CCDC149: variants seen among roughly 807,000 people sequenced by gnomAD.
The protein encoded by CCDC149 is coiled-coil domain-containing protein 149.
In CCDC149, 45 loss-of-function variants were observed where a neutral mutation model predicts 59.9. That is an observed-to-expected ratio of 0.75 (90% CI 0.59 to 0.96). CCDC149 has a LOEUF of 0.96. Among genes scored for constraint, CCDC149 ranks in the 40% least tolerant of loss-of-function variants. The pLI, the probability that CCDC149 is intolerant of heterozygous loss-of-function variation, is 0.00. For missense variants in CCDC149, 584 were observed against 664.7 expected, an observed-to-expected ratio of 0.88 and a Z score of 1.33; for synonymous variants, 245 against 260.6, an observed-to-expected ratio of 0.94 and a Z score of 0.58.
chr4:24,927,164 G>A (rs1304864184), intron 1 of CCDC149, among the ~76,000 whole-genome samples: 3 of 152,196 alleles, frequency 2.0e-5, no homozygotes, highest in Non-Finnish European at 4.4e-5. Flanking sequence ...GAGATGTGAG[G>A]TTCTTGCAGC....
At chr4:24,847,626 C>T (rs1717386355) in intron 4 of CCDC149, among the ~76,000 whole-genome samples, 1 of 152,160 alleles carries the variant, frequency 6.6e-6, no homozygotes, top group African/African-American at 2.4e-5. Context: ...AATGATTAAA[C>T]AATTCGATGA....
chr4:24,816,823 T>TA (rs1022394965), intron 12 of CCDC149, among the ~76,000 whole-genome samples: 1 of 152,100 alleles, frequency 6.6e-6, no homozygotes, highest in African/African-American at 2.4e-5. Context: ...ATCTCTTTGT[T>TA]AAAAAAATTG....
chr4:24,975,307 A>C (rs974074826), intron 1 of CCDC149, among the ~76,000 whole-genome samples: 2 of 150,386 alleles, frequency 1.3e-5, no homozygotes, highest in Non-Finnish European at 3.0e-5. Context: ...GAGAAAGGGA[A>C]AAGAAGGGAG....
At chr4:24,855,550 G>A (rs77273081) in intron 3 of CCDC149, among the ~76,000 whole-genome samples, 4,933 of 146,992 alleles carry the variant, frequency 0.034, 288 homozygotes, top group African/African-American at 0.12. Context: ...ACTCCAGCCT[G>A]GGCAACAAAG....
At chr4:24,830,246 G>C (rs574457187) in intron 9 of CCDC149, 36 of 152,468 alleles carry the variant, frequency 2.4e-4, no homozygotes, top group Admixed American at 2.0e-3. Context: ...GTGTTCTGTA[G>C]AGAGGGAAGG....
At chr4:24,909,201 T>G (rs1037397142) in intron 1 of CCDC149, among the ~76,000 whole-genome samples, 1 of 152,104 alleles carries the variant, frequency 6.6e-6, no homozygotes, top group East Asian at 1.9e-4. Flanking sequence ...AGCAACTGAT[T>G]GAAAGAGAGG....
chr4:24,888,249 T>C (rs1207505077), intron 1 of CCDC149, among the ~76,000 whole-genome samples: 1 of 152,136 alleles, frequency 6.6e-6, no homozygotes, highest in Non-Finnish European at 1.5e-5. Context: ...TAAGTTTCAG[T>C]TCCCACCAAG....
rs911275462 is a variant in CCDC149 at position 24,881,453 on chromosome 4, G to C, written c.64-4756C>G. Among the ~76,000 whole-genome samples, 4 of 152,340 alleles carry C rather than the reference G, an allele frequency of 2.6e-5. No homozygotes were observed. The South Asian group carries it at 6.2e-4, about 24-fold the overall frequency. On this transcript the variant is annotated intron_variant, in intron 1 of 12. Transcript: ENST00000635206. ...ATGGTGGAAGCACAGGTTGCTATAG[G>C]GTTGCCACAGGATAACAGAGCTTGG...
At chr4:24,826,166 G>T (rs1294729311) in intron 9 of CCDC149, among the ~76,000 whole-genome samples, 1 of 151,740 alleles carries the variant, frequency 6.6e-6, no homozygotes, top group Non-Finnish European at 1.5e-5. Context: ...TCACCATGTT[G>T]CCCAGGCTGG....
chr4:24,874,526 G>T (rs9683753), intron 2 of CCDC149, among the ~76,000 whole-genome samples: 42,212 of 151,810 alleles, frequency 0.28, 6,027 homozygotes, highest in Admixed American at 0.32. Context: ...AGGTTGCAGC[G>T]AGCAGAGATT....
chr4:24,852,938 T>C, intron 4 of CCDC149, 134 bp downstream of exon 4: 2 of 647,062 alleles, frequency 3.1e-6, no homozygotes, highest in Non-Finnish European at 5.4e-6. Flanking sequence ...AAACTGCGAA[T>C]TTTCATTATA....
intron 11 of CCDC149, 73 bp from the exon 12 acceptor site, chr4:24,820,048 T>A: frequency 1.8e-6 from 2 of 1,097,284 alleles, no homozygotes; most frequent in Non-Finnish European, 2.7e-6. Flanking sequence ...CCCACACACT[T>A]AATCGGCACA....
At chr4:24,816,692 A>G (rs1418212093) in intron 12 of CCDC149, among the ~76,000 whole-genome samples, 3 of 152,222 alleles carry the variant, frequency 2.0e-5, no homozygotes, top group Non-Finnish European at 2.9e-5. Context: ...TATCATTAAC[A>G]CTTATTATTA....
At chr4:24,905,058 T>C (rs1415693335) in intron 1 of CCDC149, among the ~76,000 whole-genome samples, 3 of 151,684 alleles carry the variant, frequency 2.0e-5, no homozygotes, top group Non-Finnish European at 4.4e-5. Flanking sequence ...CACACCACCA[T>C]GCCTGCCTAA....
Position 24,845,072 on chromosome 4 carries a change from C to T in CCDC149, c.373-6800G>A, listed in dbSNP as rs115940061. Among the ~76,000 whole-genome samples, 681 of 152,328 alleles carry T rather than the reference C, an allele frequency of 4.5e-3. 5 individuals carry two copies. The highest frequency in any genetic ancestry group is 7.6e-3 in the Non-Finnish European group (519 of 68,020). ...GTTCAGGGCTCTGAAGTCTATGCTG[C>T]GTTGCCTCTCTTCACAACCGTGGCA... On this transcript the variant is annotated intron_variant, in intron 4 of 12. Coordinates refer to ENST00000635206, the MANE Select transcript of CCDC149 (RefSeq NM_001330643.2).
At chr4:24,883,113 G>C (rs17593929) in intron 1 of CCDC149, among the ~76,000 whole-genome samples, 63,804 of 151,898 alleles carry the variant, frequency 0.42, 14,551 homozygotes, top group Non-Finnish European at 0.52. Context: ...CAGTTGCAAA[G>C]AACAAGGCTC....
intron 3 of CCDC149, among the ~76,000 whole-genome samples, chr4:24,857,938 C>T (rs941436661): frequency 2.0e-5 from 3 of 152,148 alleles, no homozygotes; most frequent in African/African-American, 7.2e-5. Context: ...GTCCCTCCAC[C>T]TCCTCAACTC....
intron 1 of CCDC149, among the ~76,000 whole-genome samples, chr4:24,933,270 G>T (rs947838279): frequency 1.3e-5 from 2 of 152,156 alleles, no homozygotes; most frequent in Non-Finnish European, 2.9e-5. Flanking sequence ...ATACTAAGTG[G>T]TACTTTGTCA....
At chr4:24,903,024 C>CAAAAGAA (rs1721264416) in intron 1 of CCDC149, among the ~76,000 whole-genome samples, 1 of 52,508 alleles carries the variant, frequency 1.9e-5, no homozygotes, top group African/African-American at 7.7e-5. Context: ...GAGTCTAACT[C>CAAAAGAA]AAAAAAAAAA....
Sources: gnomAD v4.1 joint callset for allele counts (sites outside exome capture counted in the v4.1 genomes callset) on GRCh38, gnomAD v4.1.1 for gene constraint, MANE v1.5 for transcripts, NCBI Gene and HGNC (gene_info 2026-07-23, HGNC 2026-07-21) for gene names.